GRM8: variants seen among roughly 807,000 people sequenced by gnomAD.
GRM8 encodes the protein metabotropic glutamate receptor 8.
Under a neutral mutation model 87.2 loss-of-function variants are expected in GRM8, and 47 were observed. That is an observed-to-expected ratio of 0.54 (90% CI 0.43 to 0.69). GRM8 has a LOEUF of 0.69. Ranked by LOEUF, GRM8 falls within the 30% of genes least tolerant of loss-of-function variation. GRM8 has a pLI of 0.00. For synonymous variants in GRM8, 396 were observed against 404.5 expected (o/e 0.98, Z 0.25); for missense variants, 1,019 against 1,139.2 (o/e 0.89, Z 1.52).
At chr7:126,805,283 T>C (rs1057158460) in intron 6 of GRM8, among the ~76,000 whole-genome samples, 1 of 152,164 alleles carries the variant, frequency 6.6e-6, no homozygotes, top group Admixed American at 6.5e-5. Context: ...GCCCCACCTC[T>C]GGTTAGCCTA....
intron 2 of GRM8, among the ~76,000 whole-genome samples, chr7:127,205,546 TACAGGGCTACC>T (rs1167451193): frequency 6.6e-6 from 1 of 152,132 alleles, no homozygotes; most frequent in Non-Finnish European, 1.5e-5. Context: ...CTGCCACATC[TACAGGGCTACC>T]ACCAGGTCAC....
chr7:126,488,174 G>GAA (rs144442512), intron 9 of GRM8, among the ~76,000 whole-genome samples: 6 of 148,682 alleles, frequency 4.0e-5, no homozygotes, highest in African/African-American at 1.5e-4. Flanking sequence ...TAACTGGACA[G>GAA]AAAAAAAAAC....
chr7:127,196,848 TG>T (rs1795304287), intron 2 of GRM8, among the ~76,000 whole-genome samples: 1 of 152,190 alleles, frequency 6.6e-6, no homozygotes, highest in African/African-American at 2.4e-5. Context: ...CATATGGTTT[TG>T]GTGAAGACTA....
At chr7:127,028,336 T>C (rs1472545071) in intron 3 of GRM8, among the ~76,000 whole-genome samples, 2 of 152,184 alleles carry the variant, frequency 1.3e-5, no homozygotes, top group African/African-American at 4.8e-5. Context: ...GTCAGGATGA[T>C]GCTGGCCTCA....
At chr7:127,107,838 C>A (rs1478229956) in intron 2 of GRM8, among the ~76,000 whole-genome samples, 1 of 152,200 alleles carries the variant, frequency 6.6e-6, no homozygotes, top group Non-Finnish European at 1.5e-5. Context: ...GTCCTGTTCC[C>A]TACTAGTGGC....
Position 127,243,069 on chromosome 7 carries a change from T to C in GRM8, c.136A>G (p.Ile46Val). 1.2e-6 allele frequency: 2 copies of C among 1,614,024 alleles called. No individual in the cohort carries two copies. Among genetic ancestry groups the C allele is most frequent in the Non-Finnish European group, 8.5e-7 (1 of 1,179,988 alleles). ...ACAGGGAAGAGACCCCCCAAAATAA[T>C]GTCCCCATCCACCCGTATGGAATGG... ...YAHSIRVDGD[I>V]ILGGLFPVHA... The change falls in exon 2 of 11, where the codon ATT becomes GTT. Residue 46 changes from isoleucine (I) to valine (V), a missense_variant. Ile to Val is a conservative substitution (Grantham distance 29). Transcript: ENST00000339582.
intron 3 of GRM8, among the ~76,000 whole-genome samples, chr7:126,965,767 A>G (rs1314132107): frequency 1.3e-5 from 2 of 152,094 alleles, no homozygotes; most frequent in Non-Finnish European, 2.9e-5. Flanking sequence ...GACCACTGGC[A>G]TCCCCACTGA....
intron 7 of GRM8, among the ~76,000 whole-genome samples, chr7:126,609,797 CA>C (rs1227300021): frequency 6.6e-6 from 1 of 152,158 alleles, no homozygotes; most frequent in South Asian, 2.1e-4. Context: ...GCTGAATATT[CA>C]ATACTGGCTA....
At chr7:126,627,404 G>A (rs1414637290) in intron 7 of GRM8, among the ~76,000 whole-genome samples, 2 of 152,196 alleles carry the variant, frequency 1.3e-5, no homozygotes, top group African/African-American at 2.4e-5. Flanking sequence ...TCATGTTTCA[G>A]AAACCGTTGC....
At chr7:126,451,165 T>C (rs1802573499) in intron 9 of GRM8, among the ~76,000 whole-genome samples, 1 of 151,840 alleles carries the variant, frequency 6.6e-6, no homozygotes, top group Admixed American at 6.6e-5. Flanking sequence ...GGCATTTGTC[T>C]TTTGGGTCAC....
At chr7:127,189,385 G>A (rs1287515072) in intron 2 of GRM8, among the ~76,000 whole-genome samples, 2 of 152,118 alleles carry the variant, frequency 1.3e-5, no homozygotes, top group African/African-American at 4.8e-5. Flanking sequence ...GTTTGATAGA[G>A]GATCTGCAGA....
At chr7:126,470,182 TTTTTA>T (rs1284995717) in intron 9 of GRM8, among the ~76,000 whole-genome samples, 2 of 152,218 alleles carry the variant, frequency 1.3e-5, no homozygotes, top group South Asian at 4.1e-4. Flanking sequence ...GAATTTCTTT[TTTTTA>T]TTTTATTTTA....
chr7:126,698,227 AGTT>A (rs1458062151), intron 7 of GRM8, among the ~76,000 whole-genome samples: 1 of 151,994 alleles, frequency 6.6e-6, no homozygotes, highest in East Asian at 1.9e-4. Context: ...TAATATTAAG[AGTT>A]GTTCTTCTTC....
intron 7 of GRM8, among the ~76,000 whole-genome samples, chr7:126,725,091 T>C (rs1451096471): frequency 1.3e-5 from 2 of 152,200 alleles, no homozygotes; most frequent in East Asian, 1.9e-4. Flanking sequence ...AAGTGTACAG[T>C]CTACAAGTTA....
chr7:126,949,231 C>T (rs1398409029), intron 3 of GRM8, among the ~76,000 whole-genome samples: 1 of 152,158 alleles, frequency 6.6e-6, no homozygotes, highest in African/African-American at 2.4e-5. Context: ...AGCTTGGAAC[C>T]TGAGACATGG....
chr7:127,189,971 G>T (rs1182172313), intron 2 of GRM8, among the ~76,000 whole-genome samples: 1 of 152,218 alleles, frequency 6.6e-6, no homozygotes, highest in Non-Finnish European at 1.5e-5. Context: ...AACCTCAGTA[G>T]CATTCAGCAA....
chr7:126,643,302 AAAAAAAAAAAAAAAAAAATATATATATAT>A (rs1490898188), intron 7 of GRM8, among the ~76,000 whole-genome samples: 38 of 44,502 alleles, frequency 8.5e-4, no homozygotes, highest in East Asian at 1.3e-3. Context: ...AAAAAAAAAA[AAAAAAAAAAAAAAAAAAATATATATATAT>A]ATATATATAT....
intron 2 of GRM8, among the ~76,000 whole-genome samples, chr7:127,188,277 A>G (rs561842339): frequency 1.3e-5 from 2 of 152,334 alleles, no homozygotes; most frequent in South Asian, 4.1e-4. Flanking sequence ...GACTGAGCCA[A>G]ATGTCATTGG....
intron 2 of GRM8, among the ~76,000 whole-genome samples, chr7:127,127,562 T>C (rs1206466557): frequency 6.6e-6 from 1 of 152,078 alleles, no homozygotes; most frequent in Non-Finnish European, 1.5e-5. Context: ...ATTCTATTTA[T>C]TGAAATTCCA....
Sources: allele counts gnomAD v4.1 joint callset (sites outside exome capture counted in the v4.1 genomes callset), GRCh38; gene constraint gnomAD v4.1.1; transcripts MANE v1.5; gene names NCBI Gene and HGNC (gene_info 2026-07-23, HGNC 2026-07-21).